EML2: variants seen among roughly 807,000 people sequenced by gnomAD.
EML2 encodes echinoderm microtubule-associated protein-like 2.
Under a neutral mutation model 84.7 loss-of-function variants are expected in EML2, and 59 were observed. That is an observed-to-expected ratio of 0.70 (90% confidence interval 0.56 to 0.86). The LOEUF (loss-of-function observed/expected upper bound fraction) is 0.86. Among genes scored for constraint, EML2 ranks in the 40% least tolerant of loss-of-function variants. EML2 has a pLI of 0.00. For synonymous variants in EML2, 352 were observed against 348.9 expected, an observed-to-expected ratio of 1.01 and a Z score of -0.10; for missense variants, 818 against 855.6, an observed-to-expected ratio of 0.96 and a Z score of 0.55.
chr19:45,640,812 T>A (rs2122832367), upstream of EML2: 1 of 152,350 alleles, frequency 6.6e-6, no homozygotes, highest in East Asian at 1.9e-4. Context: ...CGCCTCCGCC[T>A]CCCAAACTGC....
chr19:45,637,470 AT>A (rs66503218), intron 3 of EML2, among the ~76,000 whole-genome samples: 17,896 of 101,496 alleles, frequency 0.18, 652 homozygotes, highest in East Asian at 0.28. Flanking sequence ...ATTATTTTGG[AT>A]TTTTTTTTTT....
chr19:45,615,216 T>C (rs182226874), intron 16 of EML2, among the ~76,000 whole-genome samples: 3 of 152,086 alleles, frequency 2.0e-5, no homozygotes, highest in Admixed American at 6.6e-5. Flanking sequence ...GGTGGACACC[T>C]GGAATCCCAG....
At chr19:45,635,387 C>T (rs1329333104) in intron 3 of EML2, among the ~76,000 whole-genome samples, 1 of 152,062 alleles carries the variant, frequency 6.6e-6, no homozygotes, top group Non-Finnish European at 1.5e-5. Context: ...GATCCACCCA[C>T]CTTGGTCTCC....
upstream of EML2, chr19:45,645,164 G>T: frequency 1.6e-6 from 2 of 1,239,224 alleles, no homozygotes; most frequent in Non-Finnish European, 2.2e-6. Context: ...AGAAAAGGGG[G>T]ATCTTCAGCA....
At chr19:45,637,667 C>CTTTTTTTTTTT (rs58180181) in intron 3 of EML2, among the ~76,000 whole-genome samples, 236 of 48,840 alleles carry the variant, frequency 4.8e-3, no homozygotes, top group Non-Finnish European at 8.3e-3. Context: ...TTTTTCTTTT[C>CTTTTTTTTTTT]TTTTTTTTTT....
upstream of EML2, chr19:45,642,104 C>A: frequency 1.4e-6 from 2 of 1,465,728 alleles, no homozygotes; most frequent in Non-Finnish European, 1.8e-6. Context: ...CGGTCCTCCC[C>A]ATCCCACCCC....
intron 3 of EML2, among the ~76,000 whole-genome samples, chr19:45,635,402 G>T (rs1308005578): frequency 2.0e-5 from 3 of 152,108 alleles, no homozygotes; most frequent in African/African-American, 7.2e-5. Flanking sequence ...GTCTCCCAAA[G>T]TGCTGGGATT....
chr19:45,614,360 G>C (rs1234886438), intron 17 of EML2, among the ~76,000 whole-genome samples: 1 of 152,208 alleles, frequency 6.6e-6, no homozygotes, highest in Non-Finnish European at 1.5e-5. Context: ...TGAATGAATG[G>C]GTGGCTAGGG....
intron 7 of EML2, among the ~76,000 whole-genome samples, chr19:45,627,164 T>TA (rs1972453757): frequency 6.6e-6 from 1 of 152,038 alleles, no homozygotes; most frequent in Admixed American, 6.6e-5. Flanking sequence ...TTCACCATGT[T>TA]TCCCGGCTGG....
chr19:45,626,380 CTTTTT>C (rs35850853), intron 8 of EML2, among the ~76,000 whole-genome samples: 85 of 79,438 alleles, frequency 1.1e-3, no homozygotes, highest in Non-Finnish European at 1.6e-3. Flanking sequence ...ATCCTCACAA[CTTTTT>C]TTTTTTTTTT....
upstream of EML2, chr19:45,641,846 T>C: frequency 6.7e-7 from 1 of 1,489,836 alleles, no homozygotes; most frequent in Admixed American, 2.2e-5. Flanking sequence ...CTGCTGGAGC[T>C]CAGGCAAACA....
chr19:45,637,864 A>T (rs1361113542), intron 3 of EML2, among the ~76,000 whole-genome samples: 1 of 151,942 alleles, frequency 6.6e-6, no homozygotes, highest in Non-Finnish European at 1.5e-5. Flanking sequence ...TTTAGTAGAG[A>T]CAGGATTTCA....
At chr19:45,645,592 C>T (rs1974978773), upstream of EML2, 2 of 719,396 alleles carry the variant, frequency 2.8e-6, no homozygotes, top group East Asian at 3.2e-5. Flanking sequence ...GCCCGGATCC[C>T]CCTAGGTACC....
chr19:45,638,590 T>G lies in EML2; in HGVS notation c.94A>C (p.Met32Leu), dbSNP rs777269388. 6.2e-7 allele frequency: 1 copy of G among 1,614,132 alleles called. No individual in the cohort carries two copies. The highest frequency in any genetic ancestry group is 8.5e-7 in the Non-Finnish European group (1 of 1,180,038). Residue 32 changes from methionine (M) to leucine (L), a missense_variant, in exon 3 of 19, where the codon ATG becomes CTG. Coordinates refer to ENST00000245925, the MANE Select transcript of EML2 (RefSeq NM_012155.4). ...KMFLRGRPVP[M>L]MIPDELAPTY... The stretch of plus-strand genomic sequence containing the variant: ...GGTGCCAGCTCGTCTGGGATCATCA[T>G]GGGCACAGGGCGGCCCCTCAGGAAC...
intron 18 of EML2, 78 bp from the exon 19 acceptor site, chr19:45,609,866 C>T (rs934731074): frequency 1.5e-5 from 22 of 1,514,276 alleles, no homozygotes; most frequent in African/African-American, 8.6e-5. Flanking sequence ...TGTCTTGACC[C>T]GGTTCTTTTC....
At chr19:45,623,740 G>C (rs529968787) in intron 9 of EML2, among the ~76,000 whole-genome samples, 1 of 152,118 alleles carries the variant, frequency 6.6e-6, no homozygotes, top group East Asian at 1.9e-4. Context: ...TAGTAGAGAT[G>C]GGGTTTTGCT....
chr19:45,641,471 T>A (rs1272833984), upstream of EML2: 2 of 652,396 alleles, frequency 3.1e-6, no homozygotes, highest in Non-Finnish European at 5.2e-6. Context: ...GACCTTCCAC[T>A]GTTACCGTGC....
intron 11 of EML2, among the ~76,000 whole-genome samples, chr19:45,620,393 G>T (rs1331699521): frequency 6.6e-6 from 1 of 151,960 alleles, no homozygotes; most frequent in Non-Finnish European, 1.5e-5. Context: ...TTAATATTAT[G>T]ATTAATAATT....
upstream of EML2, chr19:45,643,505 G>A (rs1376469897): frequency 1.8e-5 from 24 of 1,318,368 alleles, no homozygotes; most frequent in South Asian, 3.0e-5. Context: ...CCCCAACCCC[G>A]CTCATTTTCC....
Sources: gnomAD v4.1 joint callset for allele counts (sites outside exome capture counted in the v4.1 genomes callset) on GRCh38, gnomAD v4.1.1 for gene constraint, MANE v1.5 for transcripts, NCBI Gene and HGNC (gene_info 2026-07-23, HGNC 2026-07-21) for gene names.